MTFMT: variants seen among roughly 807,000 people sequenced by gnomAD.
MTFMT encodes the protein methionyl-tRNA formyltransferase, mitochondrial.
MTFMT carries 47 observed loss-of-function variants against 51.8 expected under a neutral mutation model. The ratio of observed to expected loss-of-function variants is 0.91; its 90% CI spans 0.72 to 1.16. The LOEUF is 1.16. Ranked by LOEUF, MTFMT falls within the 50% of genes most tolerant of loss-of-function variation. MTFMT has a pLI of 0.00. For missense variants in MTFMT, 512 were observed against 482.3 expected (o/e 1.06, Z -0.58); for synonymous variants, 196 against 176.7 (o/e 1.11, Z -0.87).
At chr15:65,013,660 G>A (rs1292389349) in intron 6 of MTFMT, among the ~76,000 whole-genome samples, 1 of 152,066 alleles carries the variant, frequency 6.6e-6, no homozygotes, top group African/African-American at 2.4e-5. Context: ...AATCCCACTT[G>A]GGGCAGGGTG....
chr15:65,007,545 G>C (rs1466985661), intron 6 of MTFMT, among the ~76,000 whole-genome samples: 2 of 152,086 alleles, frequency 1.3e-5, no homozygotes, highest in African/African-American at 4.8e-5. Flanking sequence ...ATATCTTTGA[G>C]GGCTTACACA....
At position 65,003,246 on chromosome 15, in the gene MTFMT, A is replaced by G. The variant is rs1012613611; in HGVS notation, c.986T>C (p.Ile329Thr). The G allele has an allele frequency of 1.9e-6, 3 of 1,612,582 alleles. No individual in the cohort carries two copies. Among genetic ancestry groups the G allele is most frequent in the Admixed American group, 1.7e-5 (1 of 59,820 alleles). The change falls in exon 9 of 9, where the codon ATT (isoleucine) becomes ACT (threonine). Residue 329 changes from isoleucine to threonine, a missense_variant. Transcript: ENST00000220058. Reference sequence around the variant, plus strand: ...CTTGAGCATCACTGATCGAACACCAATCCAACCATCCTAAAGGGCAAAATA... The same window carrying G: ...CTTGAGCATCACTGATCGAACACCAGTCCAACCATCCTAAAGGGCAAAATA... ...ILLVYCKDGW[I>T]GVRSVMLKKS...
intron 8 of MTFMT, among the ~76,000 whole-genome samples, chr15:65,003,969 T>C (rs574797349): frequency 2.7e-3 from 407 of 152,154 alleles, no homozygotes; most frequent in African/African-American, 9.3e-3. Flanking sequence ...TGATGGAGTT[T>C]TGTATTCACA....
Position 65,009,536 on chromosome 15 carries a change from G to A in MTFMT, c.814-3345C>T, listed in dbSNP as rs950290853. Reference sequence around the variant, plus strand: ...TTCCCAGATTCCATCAGCAAATTCCGCTGACTCTATCTCCAAGCATAGTCT... The same window carrying A: ...TTCCCAGATTCCATCAGCAAATTCCACTGACTCTATCTCCAAGCATAGTCT... On this transcript the variant is annotated intron_variant, in intron 6 of 8. Transcript: ENST00000220058. 1.3e-4 allele frequency among the ~76,000 whole-genome samples: 20 copies of A among 152,196 alleles called. No homozygotes were observed. The South Asian group carries it at 1.7e-3, about 13-fold the overall frequency.
Position 65,028,942 on chromosome 15 carries a change from G to A in MTFMT, c.209+463C>T, listed in dbSNP as rs372191941. On this transcript the variant is annotated intron_variant, in intron 1 of 8. Coordinates refer to ENST00000220058, the MANE Select transcript of MTFMT (RefSeq NM_139242.4). ...GGGAGCAAAAGAGCGAGACACGGGT[G>A]TGCCGAAGGATGGGGGTCAGGAGGA... 1.1e-4 allele frequency among the ~76,000 whole-genome samples: 17 copies of A among 152,326 alleles called. No individual in the cohort carries two copies. The East Asian group carries it at 3.1e-3, about 28-fold the overall frequency.
chr15:65,004,250 C>G (rs1479504024), intron 8 of MTFMT, among the ~76,000 whole-genome samples: 5 of 152,066 alleles, frequency 3.3e-5, no homozygotes, highest in Non-Finnish European at 7.4e-5. Context: ...TTCCCGACCT[C>G]AGGTGATCCA....
intron 5 of MTFMT, among the ~76,000 whole-genome samples, chr15:65,017,496 AT>A (rs1375615444): frequency 5.9e-5 from 9 of 152,222 alleles, no homozygotes; most frequent in Admixed American, 4.6e-4. Context: ...ATTATGATAT[AT>A]TCACATAGCT....
intron 5 of MTFMT, among the ~76,000 whole-genome samples, chr15:65,017,133 T>C (rs771268927): frequency 1.4e-5 from 2 of 144,292 alleles, no homozygotes; most frequent in African/African-American, 2.5e-5. Context: ...ATAAGTTAAA[T>C]CAAAAAACAA....
Position 65,011,976 on chromosome 15 carries a change from C to G in MTFMT, c.813+4460G>C, listed in dbSNP as rs140226096. On this transcript the variant is annotated intron_variant, in intron 6 of 8. Transcript: ENST00000220058. ...ACCTATATTTTCTTCTAAGAGTTTT[C>G]TAGTTTTAGCTATTCATTTAGCTTC... Among the ~76,000 whole-genome samples, 15 of 152,032 alleles carry G rather than the reference C, an allele frequency of 9.9e-5. No homozygotes were observed. The East Asian group carries it at 2.9e-3, about 29-fold the overall frequency.
chr15:65,023,788 T>C lies in MTFMT; in HGVS notation c.426A>G (p.Ile142Met). Reference protein sequence around the residue: ...EALILKFPYGILNVHPSCLPR... With the variant: ...EALILKFPYGMLNVHPSCLPR... ...GGAGGCAACTGGGATGAACATTCAA[T>C]ATGCCACTGAGTTAGAAAATGTAGA... The change falls in exon 3 of 9, where the codon ATA (isoleucine) becomes ATG (methionine). Residue 142 changes from isoleucine to methionine, a missense_variant. Coordinates refer to ENST00000220058, the MANE Select transcript of MTFMT (RefSeq NM_139242.4). 3 of 1,611,636 alleles carry C rather than the reference T, an allele frequency of 1.9e-6. No homozygotes were observed. The highest frequency in any genetic ancestry group is 2.5e-6 in the Non-Finnish European group (3 of 1,178,654).
intron 6 of MTFMT, among the ~76,000 whole-genome samples, chr15:65,014,313 C>T (rs948254950): frequency 6.7e-6 from 1 of 149,220 alleles, no homozygotes; most frequent in African/African-American, 2.4e-5. Flanking sequence ...GAATTTATCA[C>T]ACTATTTGAT....
chr15:65,028,055 G>A (rs147006486), intron 1 of MTFMT, among the ~76,000 whole-genome samples: 176 of 152,318 alleles, frequency 1.2e-3, no homozygotes, highest in Non-Finnish European at 2.2e-3. Flanking sequence ...GAGGAGTTAT[G>A]AGGAGTATGT....
At position 65,006,188 on chromosome 15, in the gene MTFMT, G is replaced by A. The variant is rs370239519; in HGVS notation, c.817C>T (p.Pro273Ser). ...RLYRAIGNIIPLQTLWMANTI... is the reference protein window; with the variant it reads ...RLYRAIGNIISLQTLWMANTI... The stretch of plus-strand genomic sequence containing the variant: ...TTCGCCATCCAGAGCGTCTGCAACG[G>A]AATCTGCAAGTAAAATTAAAGAAGG... Residue 273 changes from proline to serine, a missense_variant, in exon 7 of 9, where the codon CCG (proline) becomes TCG (serine). By Grantham distance (74) the Pro-to-Ser change is moderately conservative. Coordinates refer to ENST00000220058, the MANE Select transcript of MTFMT (RefSeq NM_139242.4). 1.2e-6 allele frequency: 2 copies of A among 1,610,670 alleles called. No homozygotes were observed. Among genetic ancestry groups the A allele is most frequent in the Non-Finnish European group, 1.7e-6 (2 of 1,178,038 alleles).
intron 2 of MTFMT, among the ~76,000 whole-genome samples, chr15:65,024,456 A>T (rs1050303567): frequency 6.6e-6 from 1 of 152,224 alleles, no homozygotes; most frequent in South Asian, 2.1e-4. Context: ...GTTTAGTCAC[A>T]TAACTATCCT....
intron 7 of MTFMT, 66 bp from the exon 8 acceptor site, chr15:65,005,002 C>T: frequency 8.8e-7 from 1 of 1,135,246 alleles, no homozygotes; most frequent in South Asian, 1.3e-5. Context: ...CATAGTACTT[C>T]TTAAAAATCA....
chr15:65,021,375 A>C (rs2086372892), intron 4 of MTFMT, 139 bp downstream of exon 4: 2 of 642,774 alleles, frequency 3.1e-6, no homozygotes, highest in Non-Finnish European at 5.5e-6. Context: ...TGCCAGGCTA[A>C]TTTTTAGGAA....
At chr15:65,009,947 C>T (rs2086250115) in intron 6 of MTFMT, among the ~76,000 whole-genome samples, 1 of 152,180 alleles carries the variant, frequency 6.6e-6, no homozygotes, top group Admixed American at 6.5e-5. Flanking sequence ...AGCCACCACA[C>T]CCAACCAATT....
At chr15:65,014,123 A>C (rs1052055331) in intron 6 of MTFMT, among the ~76,000 whole-genome samples, 3 of 151,984 alleles carry the variant, frequency 2.0e-5, no homozygotes, top group African/African-American at 4.8e-5. Flanking sequence ...GGGTTAGCCC[A>C]CCTTGGGTTT....
intron 7 of MTFMT, 49 bp downstream of exon 7, chr15:65,006,064 T>TA (rs1566939189): frequency 7.6e-7 from 1 of 1,322,154 alleles, no homozygotes; most frequent in Non-Finnish European, 1.1e-6. Context: ...TATTTCCAGA[T>TA]ACACTACAGT....
Sources: allele counts gnomAD v4.1 joint callset (sites outside exome capture counted in the v4.1 genomes callset), GRCh38; gene constraint gnomAD v4.1.1; transcripts MANE v1.5; gene names NCBI Gene and HGNC (gene_info 2026-07-23, HGNC 2026-07-21).